Variants in CFAP52 observed in about 807,000 individuals in gnomAD.
CFAP52 encodes cilia and flagella associated protein 52.
Under a neutral mutation model 70.5 loss-of-function variants are expected in CFAP52, and 57 were observed. That is an observed-to-expected ratio of 0.81 (90% CI 0.65 to 1.01). The LOEUF is 1.01. Among genes scored for constraint, CFAP52 ranks in the 50% least tolerant of loss-of-function variants. CFAP52 has a pLI of 0.00. For missense variants in CFAP52, 785 were observed against 788.5 expected, an observed-to-expected ratio of 1.00 and a Z score of 0.05; for synonymous variants, 267 against 292.5, an observed-to-expected ratio of 0.91 and a Z score of 0.89.
chr17:9,594,192 G>A lies in CFAP52; in HGVS notation c.408-1G>A, dbSNP rs750736659. On this transcript the variant is annotated splice_acceptor_variant, in intron 3 of 13. Transcript: ENST00000352665. LOFTEE classifies it high-confidence loss of function. ...TTTTTTGGTCCCTCTTATTTTGGCA[G>A]TGTGGTGGTGTGGAGCATAGCCAAG... The A allele has an allele frequency of 3.1e-6, 5 of 1,589,004 alleles. No homozygotes were observed. Among genetic ancestry groups the A allele is most frequent in the South Asian group, 1.1e-5 (1 of 87,024 alleles).
At chr17:9,604,639 G>T (rs974032371) in intron 6 of CFAP52, among the ~76,000 whole-genome samples, 1 of 151,856 alleles carries the variant, frequency 6.6e-6, no homozygotes, top group Non-Finnish European at 1.5e-5. Context: ...GTGGTGGTGT[G>T]AGCCTGTAAT....
chr17:9,595,667 T>A (rs1033170599), intron 4 of CFAP52, among the ~76,000 whole-genome samples: 19 of 152,142 alleles, frequency 1.2e-4, no homozygotes, highest in Admixed American at 9.8e-4. Flanking sequence ...AAAGTTTTTT[T>A]AGGACAATCT....
At chr17:9,584,282 T>G (rs1004491120) in intron 1 of CFAP52, 1 of 1,286,832 alleles carries the variant, frequency 7.8e-7, no homozygotes, top group African/African-American at 1.5e-5. Flanking sequence ...ATGGAAGCAG[T>G]AGTGTTACCT....
At chr17:9,621,616 A>C (rs141821696) in intron 8 of CFAP52, among the ~76,000 whole-genome samples, 3,688 of 7,770 alleles carry the variant, frequency 0.47, 653 homozygotes, top group South Asian at 0.6. Flanking sequence ...AATGTCCAAC[A>C]ATGATAGACT....
chr17:9,600,241 A>C lies in CFAP52; in HGVS notation c.753+58A>C. 43 of 1,438,616 alleles carry C rather than the reference A, an allele frequency of 3.0e-5. No individual in the cohort carries two copies. In the South Asian group the frequency reaches 3.3e-4, roughly 11 times the overall value. The allele number at this position is 1,438,616 out of a possible 1,614,324, so 89.1% of individuals were successfully genotyped here. A position where few individuals can be genotyped will look rare whatever the true frequency, so the allele number is the denominator to read the frequency against. ...TTTTCTCCCTTCACTGGCAGCATGTACTTTTTTTTTTCCTTTTTGAGATGC... is the reference window on the plus strand; with the variant it reads ...TTTTCTCCCTTCACTGGCAGCATGTCCTTTTTTTTTTCCTTTTTGAGATGC... On this transcript the variant is annotated intron_variant, in intron 6 of 13. Coordinates refer to ENST00000352665, the MANE Select transcript of CFAP52 (RefSeq NM_145054.5).
chr17:9,579,593 A>G (rs1908120574), intron 1 of CFAP52, among the ~76,000 whole-genome samples: 2 of 152,138 alleles, frequency 1.3e-5, no homozygotes, highest in South Asian at 4.1e-4. Flanking sequence ...TTTGAGATGG[A>G]GTCTCACCCT....
Position 9,586,844 on chromosome 17 carries a change from T to G in CFAP52, c.407+10T>G. On this transcript the variant is annotated intron_variant, in intron 3 of 13. Transcript: ENST00000352665. Reference sequence around the variant, plus strand: ...GCCCAGATGACGGAAGGTAATGAACTAAACATAGTTACTTATTTTCTTTAT... The same window carrying G: ...GCCCAGATGACGGAAGGTAATGAACGAAACATAGTTACTTATTTTCTTTAT... 1 of 1,574,992 alleles carries G rather than the reference T, an allele frequency of 6.3e-7. No individual in the cohort carries two copies. Among genetic ancestry groups the G allele is most frequent in the Non-Finnish European group, 8.6e-7 (1 of 1,166,752 alleles).
At chr17:9,596,099 A>C (rs1332944510) in intron 4 of CFAP52, among the ~76,000 whole-genome samples, 1 of 137,616 alleles carries the variant, frequency 7.3e-6, no homozygotes, top group Non-Finnish European at 1.6e-5. Flanking sequence ...ATATATATAT[A>C]TATGTACACA....
At chr17:9,613,627 C>G (rs576622649) in intron 8 of CFAP52, among the ~76,000 whole-genome samples, 2 of 152,048 alleles carry the variant, frequency 1.3e-5, no homozygotes, top group Non-Finnish European at 2.9e-5. Flanking sequence ...AAGCGATTCT[C>G]CTGCCTCAGC....
chr17:9,627,386 C>A (rs1209420130), intron 8 of CFAP52, among the ~76,000 whole-genome samples: 3 of 152,102 alleles, frequency 2.0e-5, no homozygotes, highest in Non-Finnish European at 4.4e-5. Context: ...TGGCACATGC[C>A]TGTAATCCCA....
chr17:9,597,069 A>C (rs1909050212), intron 4 of CFAP52, among the ~76,000 whole-genome samples: 1 of 149,282 alleles, frequency 6.7e-6, no homozygotes, highest in Non-Finnish European at 1.5e-5. Context: ...ACATCTCCCT[A>C]CTCTCCCACC....
At chr17:9,614,158 T>TTTC (rs1909819819) in intron 8 of CFAP52, among the ~76,000 whole-genome samples, 1 of 2,266 alleles carries the variant, frequency 4.4e-4, no homozygotes, top group Non-Finnish European at 1.4e-3. Context: ...TCTTTCTTTC[T>TTTC]TTTTTTTTTT....
chr17:9,586,695 C>A lies in CFAP52; in HGVS notation c.271-3C>A. On this transcript the variant is annotated splice_polypyrimidine_tract_variant and splice_region_variant and intron_variant, in intron 2 of 13. Transcript: ENST00000352665. Reference sequence around the variant, plus strand: ...TGATCTGACGGTGTGTTCTTGCCCCCAGGCAGACATCATTTTGTGGGATTA... The same window carrying A: ...TGATCTGACGGTGTGTTCTTGCCCCAAGGCAGACATCATTTTGTGGGATTA... 2 of 1,608,856 alleles carry A rather than the reference C, an allele frequency of 1.2e-6. No individual in the cohort carries two copies. The highest frequency in any genetic ancestry group is 1.1e-5 in the South Asian group (1 of 89,734).
intron 1 of CFAP52, among the ~76,000 whole-genome samples, chr17:9,579,936 T>G (rs867100389): frequency 6.6e-6 from 1 of 152,224 alleles, no homozygotes; most frequent in South Asian, 2.1e-4. Context: ...TATTGCATTT[T>G]GGCAGGAATT....
intron 4 of CFAP52, 28 bp downstream of exon 4, chr17:9,594,349 A>G (rs961502936): frequency 4.4e-6 from 7 of 1,602,348 alleles, no homozygotes; most frequent in Non-Finnish European, 6.0e-6. Context: ...GAGTTTTCAG[A>G]ACTCATAAAT....
intron 6 of CFAP52, among the ~76,000 whole-genome samples, chr17:9,603,118 C>G (rs752851311): frequency 6.7e-6 from 1 of 149,480 alleles, no homozygotes; most frequent in African/African-American, 2.5e-5. Context: ...CACTTGGGAA[C>G]GAAATATCTG....
At position 9,594,092 on chromosome 17, in the gene CFAP52, T is replaced by C. The variant is rs866846761; in HGVS notation, c.408-101T>C. The C allele has an allele frequency of 8.3e-6, 12 of 1,445,806 alleles. No individual in the cohort carries two copies. The Middle Eastern group carries it at 7.6e-4, about 91-fold the overall frequency. The allele number at this position is 1,445,806 out of a possible 1,614,324, so 89.6% of individuals were successfully genotyped here. A position where few individuals can be genotyped will look rare whatever the true frequency, so the allele number is the denominator to read the frequency against. ...TTGTTGTTCGTTTTTAAGTAACCTG[T>C]TGTGTTTTTTTCTTTCTAGAACCAC... On this transcript the variant is annotated intron_variant, in intron 3 of 13. Transcript: ENST00000352665.
At chr17:9,628,482 G>A (rs562254713) in intron 8 of CFAP52, among the ~76,000 whole-genome samples, 190 bp from the exon 9 acceptor site, 2 of 152,136 alleles carry the variant, frequency 1.3e-5, no homozygotes, top group African/African-American at 4.8e-5. Flanking sequence ...GTTTCACCAT[G>A]TTGGTCAGGC....
chr17:9,588,017 G>A (rs1241496909), intron 3 of CFAP52, among the ~76,000 whole-genome samples: 1 of 152,222 alleles, frequency 6.6e-6, no homozygotes, highest in East Asian at 1.9e-4. Flanking sequence ...ATTGGCCTGA[G>A]CTCTAAGAGT....
Sources: gnomAD v4.1 joint callset for allele counts (sites outside exome capture counted in the v4.1 genomes callset) on GRCh38, gnomAD v4.1.1 for gene constraint, MANE v1.5 for transcripts, NCBI Gene and HGNC (gene_info 2026-07-23, HGNC 2026-07-21) for gene names.